The following CFAP299 variants were observed in gnomAD, a reference collection of about 807,000 sequenced individuals.
CFAP299 encodes cilia- and flagella-associated protein 299.
CFAP299 carries 21 observed loss-of-function variants against 27.0 expected under a neutral mutation model. That is an observed-to-expected ratio of 0.78 (90% CI 0.55 to 1.12). CFAP299 has a LOEUF of 1.12. CFAP299 is among the 50% of genes most tolerant of loss of function. CFAP299 has a pLI of 0.00. For missense variants in CFAP299, 310 were observed against 276.6 expected (o/e 1.12, Z -0.86); for synonymous variants, 104 against 98.1 (o/e 1.06, Z -0.36).
chr4:80,624,305 A>T (rs1436874024), intron 3 of CFAP299, among the ~76,000 whole-genome samples: 3 of 152,172 alleles, frequency 2.0e-5, no homozygotes, highest in African/African-American at 7.2e-5. Flanking sequence ...ACTGAAAAAA[A>T]TAAGTAAAAA....
At chr4:80,894,888 T>C (rs1734539363) in intron 4 of CFAP299, among the ~76,000 whole-genome samples, 1 of 151,876 alleles carries the variant, frequency 6.6e-6, no homozygotes, top group African/African-American at 2.4e-5. Context: ...GACATAATGC[T>C]AAGTGAAATA....
At chr4:80,799,865 T>G (rs189266878) in intron 3 of CFAP299, among the ~76,000 whole-genome samples, 1 of 35,642 alleles carries the variant, frequency 2.8e-5, no homozygotes, top group Non-Finnish European at 4.5e-5. Context: ...AAATATATAT[T>G]ATATATATTA....
In CFAP299 at chr4:80,591,177, G is replaced by T. The variant is rs190774004; in HGVS notation, c.333+7994G>T. On this transcript the variant is annotated intron_variant, in intron 3 of 5. Coordinates refer to ENST00000358105, the MANE Select transcript of CFAP299 (RefSeq NM_152770.3). ...CTCGCTCTGTCGCCCAGGCTGGAGTGCAGTGGCGGGATCTAGGCTCACTGC... is the reference window on the plus strand; with the variant it reads ...CTCGCTCTGTCGCCCAGGCTGGAGTTCAGTGGCGGGATCTAGGCTCACTGC... Among the ~76,000 whole-genome samples, 983 of 133,336 alleles carry T rather than the reference G, an allele frequency of 7.4e-3. 13 individuals carry two copies. Among genetic ancestry groups the T allele is most frequent in the African/African-American group, 0.025 (942 of 37,234 alleles). The allele number at this position is 133,336 out of a possible 152,430, so 87.5% of individuals were successfully genotyped here. A position where few individuals can be genotyped will look rare whatever the true frequency, so the allele number is the denominator to read the frequency against.
intron 3 of CFAP299, among the ~76,000 whole-genome samples, chr4:80,767,286 T>C (rs932094092): frequency 7.7e-4 from 118 of 152,260 alleles, no homozygotes; most frequent in African/African-American, 2.6e-3. Flanking sequence ...ATAAAAGTTA[T>C]ATGAATACAA....
chr4:80,787,216 T>A (rs1560751668), intron 3 of CFAP299, among the ~76,000 whole-genome samples: 4 of 147,926 alleles, frequency 2.7e-5, no homozygotes, highest in Non-Finnish European at 4.5e-5. Flanking sequence ...ATATAATATT[T>A]TATATATATA....
At chr4:80,691,221 C>G (rs1476798540) in intron 3 of CFAP299, among the ~76,000 whole-genome samples, 24 of 124,446 alleles carry the variant, frequency 1.9e-4, no homozygotes, top group Non-Finnish European at 3.5e-4. Flanking sequence ...GATACCAAAG[C>G]TGGGCAGAGA....
At chr4:80,733,331 G>C (rs1723647372) in intron 3 of CFAP299, among the ~76,000 whole-genome samples, 1 of 151,900 alleles carries the variant, frequency 6.6e-6, no homozygotes, top group Non-Finnish European at 1.5e-5. Flanking sequence ...TTTTATTTTT[G>C]TGCATTAATA....
intron 2 of CFAP299, among the ~76,000 whole-genome samples, chr4:80,367,562 T>C (rs1164878218): frequency 1.3e-5 from 2 of 152,138 alleles, no homozygotes; most frequent in Non-Finnish European, 2.9e-5. Flanking sequence ...ATTTACTGGG[T>C]TGGTATCCAA....
At chr4:80,573,145 A>G (rs966819507) in intron 2 of CFAP299, among the ~76,000 whole-genome samples, 1 of 152,026 alleles carries the variant, frequency 6.6e-6, no homozygotes. Context: ...TATTGCCTAT[A>G]TTTTGGATAA....
chr4:80,775,773 G>A (rs1215430810), intron 3 of CFAP299, among the ~76,000 whole-genome samples: 1 of 152,118 alleles, frequency 6.6e-6, no homozygotes, highest in African/African-American at 2.4e-5. Context: ...TGTCTGGGAT[G>A]CAAATTCATA....
intron 3 of CFAP299, among the ~76,000 whole-genome samples, chr4:80,831,942 A>G (rs1217853441): frequency 6.6e-6 from 1 of 152,086 alleles, no homozygotes; most frequent in Non-Finnish European, 1.5e-5. Context: ...GTTCCAAACA[A>G]TTTTTCATGT....
At chr4:80,425,621 T>C (rs1727495116) in intron 2 of CFAP299, among the ~76,000 whole-genome samples, 1 of 152,232 alleles carries the variant, frequency 6.6e-6, no homozygotes, top group South Asian at 2.1e-4. Context: ...ATAAATAGCA[T>C]TGTTTCCCAT....
intron 2 of CFAP299, among the ~76,000 whole-genome samples, chr4:80,471,362 G>A (rs1176991216): frequency 1.3e-5 from 2 of 151,556 alleles, no homozygotes; most frequent in East Asian, 3.9e-4. Context: ...AAACATTATT[G>A]TTATTGGTAT....
At chr4:80,498,299 A>G (rs2110147922) in intron 2 of CFAP299, among the ~76,000 whole-genome samples, 1 of 152,308 alleles carries the variant, frequency 6.6e-6, no homozygotes, top group Admixed American at 6.5e-5. Context: ...CTGTCAGCAG[A>G]GTAAACAGAC....
chr4:80,648,613 T>G (rs1740142319), intron 3 of CFAP299, among the ~76,000 whole-genome samples: 1 of 152,182 alleles, frequency 6.6e-6, no homozygotes, highest in Non-Finnish European at 1.5e-5. Context: ...AATTTCATTG[T>G]ATGAACTATG....
At chr4:80,592,342 T>A (rs558570057) in intron 3 of CFAP299, among the ~76,000 whole-genome samples, 1 of 152,196 alleles carries the variant, frequency 6.6e-6, no homozygotes, top group African/African-American at 2.4e-5. Context: ...TATTTGACCC[T>A]TGATGCAAAA....
intron 2 of CFAP299, among the ~76,000 whole-genome samples, chr4:80,438,792 T>C (rs138537421): frequency 7.9e-5 from 12 of 152,334 alleles, no homozygotes; most frequent in African/African-American, 2.9e-4. Flanking sequence ...GAGAGAGAAA[T>C]AGAATTGGTA....
At chr4:80,847,516 G>T (rs1731251817) in intron 3 of CFAP299, among the ~76,000 whole-genome samples, 1 of 152,082 alleles carries the variant, frequency 6.6e-6, no homozygotes, top group Non-Finnish European at 1.5e-5. Context: ...TATCCCTTGT[G>T]GTGACCCTAC....
At chr4:80,585,036 A>C (rs1213309494) in intron 3 of CFAP299, among the ~76,000 whole-genome samples, 1 of 152,118 alleles carries the variant, frequency 6.6e-6, no homozygotes, top group Non-Finnish European at 1.5e-5. Flanking sequence ...TTTCAGACAG[A>C]AAACATCAGT....
Sources: allele counts gnomAD v4.1 joint callset (sites outside exome capture counted in the v4.1 genomes callset), GRCh38; gene constraint gnomAD v4.1.1; transcripts MANE v1.5; gene names NCBI Gene and HGNC (gene_info 2026-07-23, HGNC 2026-07-21).